TMCC3: variants seen among roughly 807,000 people sequenced by gnomAD.
The protein encoded by TMCC3 is transmembrane and coiled-coil domain protein 3.
A neutral mutation model predicts 40.2 loss-of-function variants in TMCC3; 28 were observed. That is an observed-to-expected ratio of 0.70 (90% CI 0.52 to 0.95). TMCC3 has a LOEUF of 0.95. Among genes scored for constraint, TMCC3 ranks in the 40% least tolerant of loss-of-function variants. The pLI, the probability that TMCC3 is intolerant of heterozygous loss-of-function variation, is 0.00. For missense variants in TMCC3, 554 were observed against 615.2 expected, an observed-to-expected ratio of 0.90 and a Z score of 1.05; for synonymous variants, 255 against 248.5, an observed-to-expected ratio of 1.03 and a Z score of -0.25.
At position 94,589,391 on chromosome 12, in the gene TMCC3, A is replaced by C. The variant is rs192792372; in HGVS notation, c.79-6853T>G. ...TGGCTGTGAGTCAGTGAGGGGACCCAGGTTACGGTGGGGCCTCTACCGTCT... is the reference window on the plus strand; with the variant it reads ...TGGCTGTGAGTCAGTGAGGGGACCCCGGTTACGGTGGGGCCTCTACCGTCT... On this transcript the variant is annotated intron_variant, in intron 1 of 3. Transcript: ENST00000261226. 2.1e-3 allele frequency among the ~76,000 whole-genome samples: 319 copies of C among 152,318 alleles called. 3 individuals carry two copies. Among genetic ancestry groups the C allele is most frequent in the African/African-American group, 7.4e-3 (308 of 41,568 alleles).
intron 1 of TMCC3, among the ~76,000 whole-genome samples, chr12:94,625,299 G>A (rs1352776374): frequency 1.3e-5 from 2 of 151,654 alleles, no homozygotes; most frequent in African/African-American, 4.9e-5. Flanking sequence ...GACTTTAATA[G>A]TAAATGGGCT....
chr12:94,618,602 A>T (rs573646939), intron 1 of TMCC3, among the ~76,000 whole-genome samples: 1 of 152,316 alleles, frequency 6.6e-6, no homozygotes, highest in South Asian at 2.1e-4. Context: ...CACATGTGAC[A>T]TGCCTCAAGC....
chr12:94,610,126 C>T (rs1430640593), intron 1 of TMCC3: 5 of 152,072 alleles, frequency 3.3e-5, no homozygotes, highest in Admixed American at 1.3e-4. Flanking sequence ...TATTATGCAA[C>T]GACCTACTCT....
At chr12:94,627,612 T>A (rs1355389305) in intron 1 of TMCC3, among the ~76,000 whole-genome samples, 3 of 152,206 alleles carry the variant, frequency 2.0e-5, no homozygotes, top group Non-Finnish European at 4.4e-5. Context: ...ACAGGCACAC[T>A]GCTTTATCAA....
At chr12:94,577,048 A>C (rs575048695) in intron 3 of TMCC3, among the ~76,000 whole-genome samples, 3 of 152,260 alleles carry the variant, frequency 2.0e-5, no homozygotes, top group East Asian at 3.9e-4. Flanking sequence ...GGGGATAATA[A>C]CAGAAACTAC....
At position 94,634,160 on chromosome 12, in the gene TMCC3, G is replaced by T. The variant is rs185424817; in HGVS notation, c.78+16193C>A. Among the ~76,000 whole-genome samples, 42 of 152,112 alleles carry T rather than the reference G, an allele frequency of 2.8e-4. No individual in the cohort carries two copies. The East Asian group carries it at 7.7e-3, about 28-fold the overall frequency. On this transcript the variant is annotated intron_variant, in intron 1 of 3. Coordinates refer to ENST00000261226, the MANE Select transcript of TMCC3 (RefSeq NM_020698.4). Reference sequence around the variant, plus strand: ...AGGTTTCACCGTGTTGGCCAGGCTGGTCTCGAACTCCTGACCTCAGGCAAT... The same window carrying T: ...AGGTTTCACCGTGTTGGCCAGGCTGTTCTCGAACTCCTGACCTCAGGCAAT...
chr12:94,571,526 C>A lies in TMCC3; in HGVS notation c.1343G>T (p.Gly448Val). 1 of 1,614,100 alleles carries A rather than the reference C, an allele frequency of 6.2e-7. No individual in the cohort carries two copies. The highest frequency in any genetic ancestry group is 1.1e-5 in the South Asian group (1 of 91,086). ...PMMKSRCHIL[G>V]TFFAVTLLAI... ...AAGAAGAGTCACGGCAAAGAAGGTG[C>A]CAAGAATGTGGCAGCGACTCTTCAT... The change falls in exon 4 of 4, where the codon GGC (glycine) becomes GTC (valine). Residue 448 changes from glycine to valine, a missense_variant. By Grantham distance (109) the Gly-to-Val change is moderately radical. Coordinates refer to ENST00000261226, the MANE Select transcript of TMCC3 (RefSeq NM_020698.4).
chr12:94,603,016 T>C (rs2068761912), intron 1 of TMCC3, among the ~76,000 whole-genome samples: 1 of 152,234 alleles, frequency 6.6e-6, no homozygotes, highest in Non-Finnish European at 1.5e-5. Flanking sequence ...AAAATGCCAA[T>C]AGCCTTGTTC....
chr12:94,600,790 T>C (rs892610349), intron 1 of TMCC3, among the ~76,000 whole-genome samples: 4 of 152,220 alleles, frequency 2.6e-5, no homozygotes, highest in African/African-American at 9.7e-5. Flanking sequence ...TTGGCTCTTA[T>C]ATATACTGTT....
intron 1 of TMCC3, among the ~76,000 whole-genome samples, chr12:94,617,257 G>T (rs1472777516): frequency 6.6e-6 from 1 of 152,208 alleles, no homozygotes; most frequent in Non-Finnish European, 1.5e-5. Context: ...AAGGGACAGA[G>T]GAAACAGCAC....
chr12:94,571,869 G>C lies in TMCC3; in HGVS notation c.1132-132C>G, dbSNP rs980848941. On this transcript the variant is annotated intron_variant, in intron 3 of 3. Transcript: ENST00000261226. ...CCAGGCGGCTGCAAATCCCCAAACC[G>C]ATGATGATGGTGATAGACAAAGATG... 3.8e-6 allele frequency: 3 copies of C among 792,252 alleles called. No homozygotes were observed. In the South Asian group the frequency reaches 5.4e-5, roughly 14 times the overall value. The allele number at this position is 792,252 out of a possible 1,614,324, so 49.1% of individuals were successfully genotyped here.
intron 1 of TMCC3, among the ~76,000 whole-genome samples, chr12:94,588,027 G>C (rs2068648300): frequency 6.6e-6 from 1 of 152,168 alleles, no homozygotes; most frequent in African/African-American, 2.4e-5. Context: ...CTGGAACAAA[G>C]GCTGAGGAAA....
At chr12:94,610,133 C>T (rs1403197621) in intron 1 of TMCC3, 2 of 152,198 alleles carry the variant, frequency 1.3e-5, no homozygotes, top group African/African-American at 4.8e-5. Flanking sequence ...CAACGACCTA[C>T]TCTGTATAAG....
intron 3 of TMCC3, among the ~76,000 whole-genome samples, chr12:94,578,118 A>T (rs1480778716): frequency 7.0e-6 from 1 of 143,748 alleles, no homozygotes; most frequent in Non-Finnish European, 1.5e-5. Flanking sequence ...ACTGCACTCC[A>T]GCCTGGGCCA....
At chr12:94,625,116 T>C (rs1763174453) in intron 1 of TMCC3, among the ~76,000 whole-genome samples, 1 of 141,202 alleles carries the variant, frequency 7.1e-6, no homozygotes, top group South Asian at 2.2e-4. Context: ...CATTCCAGCC[T>C]GGGCAACAAG....
chr12:94,633,373 T>C (rs1231995444), intron 1 of TMCC3, among the ~76,000 whole-genome samples: 3 of 152,140 alleles, frequency 2.0e-5, no homozygotes, highest in African/African-American at 7.2e-5. Flanking sequence ...TGACAGAAAT[T>C]TGATGTAAAC....
intron 1 of TMCC3, among the ~76,000 whole-genome samples, chr12:94,620,299 T>C (rs36036911): frequency 0.013 from 1,980 of 151,880 alleles, 29 homozygotes; most frequent in Middle Eastern, 0.078. Flanking sequence ...ATTATTATTT[T>C]TTTTTTGAGA....
At chr12:94,634,861 T>C (rs2138879502) in intron 1 of TMCC3, among the ~76,000 whole-genome samples, 3 of 152,360 alleles carry the variant, frequency 2.0e-5, no homozygotes. Context: ...TAGTACTTGA[T>C]AATTTGCTTA....
intron 1 of TMCC3, among the ~76,000 whole-genome samples, chr12:94,649,868 C>G (rs79026954): frequency 0.021 from 3,252 of 152,356 alleles, 61 homozygotes; most frequent in Admixed American, 0.061. Flanking sequence ...GCCGCCTCCC[C>G]GCGCTCCGGC....
Sources: gnomAD v4.1 joint callset for allele counts (sites outside exome capture counted in the v4.1 genomes callset) on GRCh38, gnomAD v4.1.1 for gene constraint, MANE v1.5 for transcripts, NCBI Gene and HGNC (gene_info 2026-07-23, HGNC 2026-07-21) for gene names.